The following ITGA8 variants were observed in gnomAD, a reference collection of about 807,000 sequenced individuals.
ITGA8 encodes the protein integrin subunit alpha 8, also known as integrin alpha-8.
Under a neutral mutation model 142.3 loss-of-function variants are expected in ITGA8, and 91 were observed. The observed-to-expected ratio is 0.64, with a 90% CI of 0.54 to 0.76. The LOEUF is 0.76. Ranked by LOEUF, ITGA8 falls within the 30% of genes least tolerant of loss-of-function variation. The probability of loss-of-function intolerance (pLI) is 0.00; values close to 1 mark genes in which losing one functional copy is unlikely to be tolerated. For synonymous variants in ITGA8, 505 were observed against 485.2 expected (o/e 1.04, Z -0.54); for missense variants, 1,406 against 1,327.7 (o/e 1.06, Z -0.92).
chr10:15,649,848 T>A (rs548249340), intron 11 of ITGA8, among the ~76,000 whole-genome samples: 2 of 152,278 alleles, frequency 1.3e-5, no homozygotes, highest in African/African-American at 4.8e-5. Flanking sequence ...CTAATGGGAA[T>A]ACAAAATGAT....
chr10:15,648,185 C>A (rs1564391048), intron 11 of ITGA8, among the ~76,000 whole-genome samples: 1 of 151,938 alleles, frequency 6.6e-6, no homozygotes, highest in Admixed American at 6.6e-5. Context: ...CAAGTCACAC[C>A]AACCAAAAAT....
chr10:15,517,478 C>G (rs958003654), intron 29 of ITGA8, among the ~76,000 whole-genome samples: 1 of 152,138 alleles, frequency 6.6e-6, no homozygotes, highest in Non-Finnish European at 1.5e-5. Flanking sequence ...CCTGCACCAC[C>G]ACACCCAGCT....
chr10:15,554,940 T>A (rs1178701809), intron 26 of ITGA8, among the ~76,000 whole-genome samples: 6 of 152,110 alleles, frequency 3.9e-5, no homozygotes. Context: ...TAAACTTTAA[T>A]TTTTCAGTTA....
chr10:15,622,874 C>G (rs1321875457), intron 13 of ITGA8, among the ~76,000 whole-genome samples: 2 of 152,134 alleles, frequency 1.3e-5, no homozygotes, highest in Non-Finnish European at 2.9e-5. Flanking sequence ...TTCAACCTTA[C>G]TAGTCATCAA....
chr10:15,672,785 A>T (rs749026210), intron 6 of ITGA8, 36 bp from the exon 7 acceptor site: 1 of 1,543,662 alleles, frequency 6.5e-7, no homozygotes, highest in African/African-American at 1.4e-5. Context: ...AACTGAATGA[A>T]AGCAAGAGGC....
chr10:15,676,469 C>A (rs747069098), intron 6 of ITGA8, among the ~76,000 whole-genome samples: 2 of 152,096 alleles, frequency 1.3e-5, no homozygotes, highest in Non-Finnish European at 2.9e-5. Context: ...TTCTCCCAGC[C>A]CCATCACCAC....
At chr10:15,559,030 A>G (rs1474095460) in intron 25 of ITGA8, among the ~76,000 whole-genome samples, 3 of 152,244 alleles carry the variant, frequency 2.0e-5, no homozygotes, top group Admixed American at 6.5e-5. Context: ...CACAGGAGCA[A>G]TAATAGTATG....
intron 27 of ITGA8, 90 bp from the exon 28 acceptor site, chr10:15,531,241 A>T: frequency 1.6e-6 from 1 of 631,674 alleles, no homozygotes; most frequent in Non-Finnish European, 2.4e-6. Context: ...GGTGTTTTGC[A>T]TTTCAAGGCA....
intron 2 of ITGA8, among the ~76,000 whole-genome samples, chr10:15,710,835 G>A (rs1324066780): frequency 2.0e-5 from 3 of 152,178 alleles, no homozygotes; most frequent in East Asian, 1.9e-4. Flanking sequence ...AGCGTGGGCC[G>A]GGTCAGGTCT....
chr10:15,601,835 A>G (rs1833109568), intron 20 of ITGA8, among the ~76,000 whole-genome samples: 1 of 152,260 alleles, frequency 6.6e-6, no homozygotes, highest in Non-Finnish European at 1.5e-5. Flanking sequence ...TGGTTAAAAA[A>G]TCTTGAACTG....
chr10:15,558,336 C>A, intron 25 of ITGA8, 134 bp from the exon 26 acceptor site: 1 of 980,098 alleles, frequency 1.0e-6, no homozygotes, highest in Non-Finnish European at 1.5e-6. Context: ...CCTGTGATTA[C>A]CAGCAGTGTG....
chr10:15,606,479 A>G, intron 17 of ITGA8, 57 bp from the exon 18 acceptor site: 2 of 1,507,974 alleles, frequency 1.3e-6, no homozygotes, highest in Non-Finnish European at 1.8e-6. Context: ...GCAAGATGTC[A>G]GTCTGCAAAA....
chr10:15,526,465 C>T (rs369183596), intron 28 of ITGA8, among the ~76,000 whole-genome samples: 36 of 152,212 alleles, frequency 2.4e-4, no homozygotes, highest in African/African-American at 6.5e-4. Flanking sequence ...TGTGAGCCAC[C>T]GCACCCGGCC....
chr10:15,567,021 G>T (rs111491564), intron 25 of ITGA8, among the ~76,000 whole-genome samples: 5,253 of 150,664 alleles, frequency 0.035, 295 homozygotes, highest in African/African-American at 0.12. Flanking sequence ...ATCCAGGTGT[G>T]GTGGCGGGTG....
chr10:15,606,962 C>T (rs1024645508), intron 17 of ITGA8, among the ~76,000 whole-genome samples: 3 of 152,100 alleles, frequency 2.0e-5, no homozygotes, highest in African/African-American at 7.2e-5. Context: ...GGGGTAAGCA[C>T]CAAACAGCAA....
intron 10 of ITGA8, among the ~76,000 whole-genome samples, chr10:15,656,324 G>A (rs1344459691): frequency 2.6e-5 from 4 of 151,944 alleles, no homozygotes; most frequent in Non-Finnish European, 5.9e-5. Flanking sequence ...TTTTCCATGA[G>A]TGTACACAGT....
chr10:15,534,189 C>T (rs146856619), intron 27 of ITGA8, among the ~76,000 whole-genome samples: 3 of 152,216 alleles, frequency 2.0e-5, no homozygotes, highest in African/African-American at 7.2e-5. Context: ...GCATCACAGG[C>T]GTGTGCCACC....
Position 15,533,292 on chromosome 10 carries a change from C to G in ITGA8, c.2881-2141G>C, listed in dbSNP as rs188683905. On this transcript the variant is annotated intron_variant, in intron 27 of 29. Coordinates refer to ENST00000378076, the MANE Select transcript of ITGA8 (RefSeq NM_003638.3). The stretch of plus-strand genomic sequence containing the variant: ...TTTGAATGTTTCTTTCTACTCCTAC[C>G]CTCCAGAATAAACAACTCTACTCAT... Among the ~76,000 whole-genome samples, 42 of 152,232 alleles carry G rather than the reference C, an allele frequency of 2.8e-4. No homozygotes were observed. The South Asian group carries it at 5.2e-3, about 19-fold the overall frequency.
rs373445966 is a variant in ITGA8 at position 15,662,527 on chromosome 10, C to T, written c.848-1605G>A. On this transcript the variant is annotated intron_variant, in intron 8 of 29. Coordinates refer to ENST00000378076, the MANE Select transcript of ITGA8 (RefSeq NM_003638.3). The stretch of plus-strand genomic sequence containing the variant: ...CTAGTTTTTGTATATTTTGTAGAGA[C>T]AGGGTCTCACTATGTTGCCCAGGCT... Among the ~76,000 whole-genome samples, 10 of 151,834 alleles carry T rather than the reference C, an allele frequency of 6.6e-5. No homozygotes were observed. In the East Asian group the frequency reaches 1.2e-3, roughly 18 times the overall value.
Sources: allele counts gnomAD v4.1 joint callset (sites outside exome capture counted in the v4.1 genomes callset), GRCh38; gene constraint gnomAD v4.1.1; transcripts MANE v1.5; gene names NCBI Gene and HGNC (gene_info 2026-07-23, HGNC 2026-07-21).